The following UBA6 variants were observed in gnomAD, a reference collection of about 807,000 sequenced individuals.
UBA6 encodes ubiquitin like modifier activating enzyme 6.
A neutral mutation model predicts 148.3 loss-of-function variants in UBA6; 87 were observed. That is an observed-to-expected ratio of 0.59 (90% CI 0.49 to 0.70). The LOEUF (loss-of-function observed/expected upper bound fraction) is 0.70. Among genes scored for constraint, UBA6 ranks in the 30% least tolerant of loss-of-function variants. UBA6 has a pLI of 0.00. For synonymous variants in UBA6, 376 were observed against 401.0 expected, an observed-to-expected ratio of 0.94 and a Z score of 0.75; for missense variants, 1,186 against 1,241.2, an observed-to-expected ratio of 0.96 and a Z score of 0.67.
In UBA6 at chr4:67,669,075, T is replaced by C. The variant is rs116580537; in HGVS notation, c.670-401A>G. On this transcript the variant is annotated intron_variant, in intron 8 of 32. Transcript: ENST00000322244. Reference sequence around the variant, plus strand: ...ATCAAAGAACAGTAAAGAAGGAGGATAGAAATTTTAAAGATGGGAATCTGG... The same window carrying C: ...ATCAAAGAACAGTAAAGAAGGAGGACAGAAATTTTAAAGATGGGAATCTGG... Among the ~76,000 whole-genome samples, 232 of 152,198 alleles carry C rather than the reference T, an allele frequency of 1.5e-3. 1 individual carries two copies. Among genetic ancestry groups the C allele is most frequent in the African/African-American group, 5.2e-3 (218 of 41,556 alleles).
At chr4:67,687,054 G>C (rs1374172778) in intron 2 of UBA6, among the ~76,000 whole-genome samples, 1 of 27,666 alleles carries the variant, frequency 3.6e-5, no homozygotes, top group Non-Finnish European at 7.3e-5. Flanking sequence ...TTTTTTTTTT[G>C]AGACAGAGTC....
chr4:67,634,025 T>C (rs1351964968), intron 22 of UBA6, among the ~76,000 whole-genome samples: 4 of 152,098 alleles, frequency 2.6e-5, no homozygotes, highest in African/African-American at 9.6e-5. Context: ...AATTGCTGTT[T>C]TGTGAGTCGA....
At chr4:67,639,632 T>C (rs1161749233) in intron 18 of UBA6, among the ~76,000 whole-genome samples, 3 of 152,122 alleles carry the variant, frequency 2.0e-5, no homozygotes, top group African/African-American at 7.2e-5. Context: ...TAAAAAACAG[T>C]CCAGTAGTTC....
intron 19 of UBA6, 89 bp downstream of exon 19, chr4:67,638,854 A>T: frequency 1.0e-6 from 1 of 959,002 alleles, no homozygotes; most frequent in South Asian, 1.7e-5. Context: ...GAATAATCAG[A>T]TAATTCCGTA....
intron 10 of UBA6, among the ~76,000 whole-genome samples, chr4:67,664,299 G>A (rs1729935891): frequency 1.3e-5 from 2 of 151,452 alleles, no homozygotes; most frequent in Non-Finnish European, 2.9e-5. Flanking sequence ...AGAACTCAAA[G>A]GTAAAACAAA....
chr4:67,700,956 G>C, intron 1 of UBA6, 93 bp downstream of exon 1: 1 of 1,519,990 alleles, frequency 6.6e-7, no homozygotes, highest in Non-Finnish European at 9.0e-7. Context: ...GCGGCCTCTC[G>C]GGCGCCCCCA....
At chr4:67,660,374 C>T (rs1729818271) in intron 13 of UBA6, among the ~76,000 whole-genome samples, 2 of 152,104 alleles carry the variant, frequency 1.3e-5, no homozygotes, top group Admixed American at 1.3e-4. Flanking sequence ...GTGGGGTGGG[C>T]CCAGGGCCTT....
chr4:67,626,426 T>C lies in UBA6; in HGVS notation c.2452A>G (p.Ser818Gly). The change falls in exon 28 of 33, where the codon AGT becomes GGT. Residue 818 changes from serine (S) to glycine (G), a missense_variant. Physicochemically the swap from Ser to Gly is moderately conservative, Grantham distance 56 (BLOSUM62 0). Transcript: ENST00000322244. ...AAAATTGCATTCCTCTCATCTTCAC[T>C]GCTAATAGGAACATGGTCTGGTTTC... The part of the protein sequence containing the change: ...ARKPDHVPIS[S>G]EDERNAIFQL... 1 of 1,611,696 alleles carries C rather than the reference T, an allele frequency of 6.2e-7. No homozygotes were observed.
intron 32 of UBA6, among the ~76,000 whole-genome samples, chr4:67,619,973 G>A (rs1371624205): frequency 6.6e-6 from 1 of 152,044 alleles, no homozygotes; most frequent in African/African-American, 2.4e-5. Flanking sequence ...GTATTCTCCT[G>A]CCTAATAATT....
At chr4:67,699,604 C>T (rs1426811184) in intron 1 of UBA6, among the ~76,000 whole-genome samples, 1 of 152,004 alleles carries the variant, frequency 6.6e-6, no homozygotes, top group Non-Finnish European at 1.5e-5. Context: ...AAATTTGTTT[C>T]TTTTCTTTTT....
intron 13 of UBA6, among the ~76,000 whole-genome samples, chr4:67,653,646 TCC>T (rs562032147): frequency 1.1e-3 from 167 of 152,230 alleles, no homozygotes; most frequent in African/African-American, 3.8e-3. Flanking sequence ...GGATTGGAGA[TCC>T]TCGCCAGCAA....
In UBA6 at chr4:67,665,259, G is replaced by T; in HGVS notation, c.827C>A (p.Thr276Asn). ...ATGTAAATATGGTTCCAGTTCTGTG[G>T]TGTCACCAATACTAAAAGAAAATGG... Reference protein sequence around the residue: ...ISPFSFSIGDTTELEPYLHGG... With the variant: ...ISPFSFSIGDNTELEPYLHGG... The change falls in exon 10 of 33, where the codon ACC becomes AAC. Residue 276 changes from threonine (T) to asparagine (N), a missense_variant. Transcript: ENST00000322244. The T allele has an allele frequency of 6.2e-7, 1 of 1,605,516 alleles. No individual in the cohort carries two copies. Among genetic ancestry groups the T allele is most frequent in the Non-Finnish European group, 8.5e-7 (1 of 1,177,558 alleles).
chr4:67,659,713 A>C (rs1274271873), intron 13 of UBA6, among the ~76,000 whole-genome samples: 1 of 120,576 alleles, frequency 8.3e-6, no homozygotes, highest in Non-Finnish European at 1.9e-5. Flanking sequence ...GGGTGCTGAG[A>C]TAAAGATACC....
chr4:67,652,324 T>C (rs1196997954), intron 13 of UBA6, among the ~76,000 whole-genome samples: 2 of 151,968 alleles, frequency 1.3e-5, no homozygotes, highest in African/African-American at 2.4e-5. Flanking sequence ...GAATGGCAAA[T>C]AAGCATATTA....
intron 6 of UBA6, among the ~76,000 whole-genome samples, chr4:67,674,205 T>C (rs75205466): frequency 0.01 from 1,555 of 152,334 alleles, 14 homozygotes; most frequent in Non-Finnish European, 0.015. Context: ...CATGTCCATC[T>C]GTGGATTTAG....
rs116092571 is a variant in UBA6 at position 67,631,669 on chromosome 4, T to C, written c.2258+39A>G. On this transcript the variant is annotated intron_variant, in intron 25 of 32. Transcript: ENST00000322244. ...TTAAGGAATTTACAGTAAAGAAATA[T>C]ATAATGAAGGATACATAAAACTAAA... 6.5e-3 allele frequency: 9,432 copies of C among 1,445,674 alleles called. 53 individuals carry two copies. The highest frequency in any genetic ancestry group is 8.1e-3 in the Non-Finnish European group (8,466 of 1,048,154). The allele number at this position is 1,445,674 out of a possible 1,614,324, so 89.6% of individuals were successfully genotyped here. A position where few individuals can be genotyped will look rare whatever the true frequency, so the allele number is the denominator to read the frequency against.
intron 1 of UBA6, among the ~76,000 whole-genome samples, chr4:67,699,192 A>G (rs1253649695): frequency 2.6e-5 from 4 of 152,178 alleles, no homozygotes; most frequent in African/African-American, 7.2e-5. Flanking sequence ...GAGCATTTGG[A>G]GCTGAACCAC....
intron 13 of UBA6, among the ~76,000 whole-genome samples, chr4:67,656,172 T>C (rs536662381): frequency 1.3e-5 from 2 of 152,288 alleles, no homozygotes; most frequent in Admixed American, 1.3e-4. Flanking sequence ...GAGGGAATCC[T>C]CCCTAACTCA....
intron 8 of UBA6, among the ~76,000 whole-genome samples, chr4:67,669,691 A>T (rs1389479708): frequency 6.6e-6 from 1 of 152,204 alleles, no homozygotes; most frequent in African/African-American, 2.4e-5. Flanking sequence ...AGGTTAATCA[A>T]AACTTTCTAC....
Sources: gnomAD v4.1 joint callset for allele counts (sites outside exome capture counted in the v4.1 genomes callset) on GRCh38, gnomAD v4.1.1 for gene constraint, MANE v1.5 for transcripts, NCBI Gene and HGNC (gene_info 2026-07-23, HGNC 2026-07-21) for gene names.